The following MGAT4C variants were observed in gnomAD, a reference collection of about 807,000 sequenced individuals.
The protein encoded by MGAT4C is MGAT4 family member C, also known as alpha-1,3-mannosyl-glycoprotein 4-beta-N-acetylglucosaminyltransferase C.
Under a neutral mutation model 40.1 loss-of-function variants are expected in MGAT4C, and 19 were observed. The ratio of observed to expected loss-of-function variants is 0.47; its 90% CI spans 0.33 to 0.70. The LOEUF (loss-of-function observed/expected upper bound fraction) is 0.70. Ranked by LOEUF, MGAT4C falls within the 30% of genes least tolerant of loss-of-function variation. The pLI is 0.02. For synonymous variants in MGAT4C, 181 were observed against 187.1 expected (o/e 0.97, Z 0.27); for missense variants, 491 against 563.2 (o/e 0.87, Z 1.30).
At chr12:86,026,712 T>C (rs1890275939) in intron 2 of MGAT4C, among the ~76,000 whole-genome samples, 1 of 151,946 alleles carries the variant, frequency 6.6e-6, no homozygotes, top group African/African-American at 2.4e-5. Flanking sequence ...GACTGTAACA[T>C]TACAAGTAGT....
At chr12:86,354,772 C>T (rs980766610) in intron 3 of MGAT4C, among the ~76,000 whole-genome samples, 4 of 152,050 alleles carry the variant, frequency 2.6e-5, no homozygotes, top group Admixed American at 6.6e-5. Context: ...ATTATGTGTC[C>T]GGAGTTGGTT....
intron 3 of MGAT4C, among the ~76,000 whole-genome samples, chr12:86,347,720 T>A (rs982679378): frequency 1.3e-5 from 2 of 152,112 alleles, no homozygotes; most frequent in East Asian, 3.8e-4. Flanking sequence ...TTCATTGGGA[T>A]AGGCCATTTT....
At position 86,388,675 on chromosome 12, in the gene MGAT4C, GT is replaced by G. The variant is rs752469980; in HGVS notation, c.-120+46481del. ...ATCAATAAACACTTCAGCGTTTTTT[GT>G]TTTTTTTTTTTTTTTTTTTTTTTAG... On this transcript the variant is annotated intron_variant, in intron 3 of 7. Coordinates refer to the MGAT4C transcript ENST00000548651. Among the ~76,000 whole-genome samples the G allele has an allele frequency of 6.3e-3, 621 of 98,712 alleles. 2 individuals carry two copies. The highest frequency in any genetic ancestry group is 0.023 in the African/African-American group (475 of 20,764). The allele number at this position is 98,712 out of a possible 152,430, so 64.8% of individuals were successfully genotyped here.
chr12:86,218,243 C>A (rs572991207), intron 1 of MGAT4C, among the ~76,000 whole-genome samples: 2 of 152,158 alleles, frequency 1.3e-5, no homozygotes, highest in East Asian at 3.9e-4. Flanking sequence ...TACCATGTAA[C>A]TTTCTGTATT....
chr12:86,545,890 T>A (rs1959190434), intron 2 of MGAT4C, among the ~76,000 whole-genome samples: 1 of 152,026 alleles, frequency 6.6e-6, no homozygotes, highest in African/African-American at 2.4e-5. Context: ...CTTTTATGAA[T>A]GTGTCAGTGA....
chr12:86,406,729 T>C (rs987727162), intron 3 of MGAT4C, among the ~76,000 whole-genome samples: 3 of 151,844 alleles, frequency 2.0e-5, no homozygotes, highest in Non-Finnish European at 4.4e-5. Flanking sequence ...AAAAACTAAA[T>C]GTGCAAATGC....
intron 1 of MGAT4C, among the ~76,000 whole-genome samples, chr12:86,254,154 C>A (rs186744302): frequency 1.1e-4 from 16 of 152,028 alleles, no homozygotes; most frequent in Non-Finnish European, 4.4e-5. Flanking sequence ...ACTGGGAAGC[C>A]TTCCTAGGGA....
intron 3 of MGAT4C, among the ~76,000 whole-genome samples, chr12:86,381,293 A>C (rs1267487250): frequency 6.6e-6 from 1 of 152,176 alleles, no homozygotes; most frequent in Non-Finnish European, 1.5e-5. Flanking sequence ...ACAAATTCAG[A>C]TTTAGAGAAA....
intron 3 of MGAT4C, among the ~76,000 whole-genome samples, chr12:86,367,960 C>A (rs1955639060): frequency 1.3e-5 from 2 of 152,306 alleles, no homozygotes; most frequent in South Asian, 4.1e-4. Context: ...ACTGTCGAAC[C>A]ACCTTTCACA....
chr12:86,649,291 C>A (rs1963631752), intron 2 of MGAT4C, among the ~76,000 whole-genome samples: 1 of 151,686 alleles, frequency 6.6e-6, no homozygotes, highest in Admixed American at 6.6e-5. Context: ...GATCTATATA[C>A]AGGTTCTTTT....
chr12:86,780,488 T>C lies in MGAT4C; in HGVS notation c.-261-53247A>G, dbSNP rs60645479. 3.4e-3 allele frequency among the ~76,000 whole-genome samples: 515 copies of C among 152,230 alleles called. 2 individuals carry two copies. The highest frequency in any genetic ancestry group is 0.012 in the African/African-American group (493 of 41,522). ...TGCTGTTCTCATGATAGTGAGTGAG[T>C]TCTCATGATATCTGATTGTTTAAAA... On this transcript the variant is annotated intron_variant, in intron 1 of 7. Transcript: ENST00000548651.
At chr12:86,035,566 A>C (rs1891150182) in intron 2 of MGAT4C, among the ~76,000 whole-genome samples, 1 of 149,834 alleles carries the variant, frequency 6.7e-6, no homozygotes. Flanking sequence ...GCTGTGCAGA[A>C]GCTCTTCAGT....
chr12:86,133,698 A>C (rs1384575593), intron 1 of MGAT4C, among the ~76,000 whole-genome samples: 1 of 152,134 alleles, frequency 6.6e-6, no homozygotes, highest in African/African-American at 2.4e-5. Context: ...AGGAGCTGCA[A>C]TTTACAATGA....
intron 1 of MGAT4C, among the ~76,000 whole-genome samples, chr12:86,130,842 G>A (rs1881066567): frequency 6.6e-6 from 1 of 151,810 alleles, no homozygotes; most frequent in African/African-American, 2.4e-5. Context: ...ATTGTATTTA[G>A]TTTGAATATA....
intron 2 of MGAT4C, among the ~76,000 whole-genome samples, chr12:86,624,946 A>ATCC (rs1194905075): frequency 6.6e-6 from 1 of 152,046 alleles, no homozygotes; most frequent in African/African-American, 2.4e-5. Flanking sequence ...TCAAATTGTA[A>ATCC]TCCTGATAAT....
At chr12:86,231,501 A>T (rs1951323121) in intron 1 of MGAT4C, among the ~76,000 whole-genome samples, 1 of 152,208 alleles carries the variant, frequency 6.6e-6, no homozygotes, top group African/African-American at 2.4e-5. Flanking sequence ...AAATAATCTA[A>T]TTCTGGAAAT....
chr12:86,396,549 T>C (rs1057076185), intron 3 of MGAT4C, among the ~76,000 whole-genome samples: 1 of 152,148 alleles, frequency 6.6e-6, no homozygotes, highest in Non-Finnish European at 1.5e-5. Context: ...CTTATAATTA[T>C]AATGGAAAAT....
At chr12:86,254,347 A>G (rs1952428792) in intron 1 of MGAT4C, among the ~76,000 whole-genome samples, 1 of 152,078 alleles carries the variant, frequency 6.6e-6, no homozygotes, top group African/African-American at 2.4e-5. Context: ...CACTGCAGTC[A>G]CCATCAATGT....
intron 1 of MGAT4C, among the ~76,000 whole-genome samples, chr12:86,109,107 C>T (rs535539194): frequency 1.3e-5 from 2 of 152,244 alleles, no homozygotes; most frequent in South Asian, 4.1e-4. Context: ...CACTATTGAT[C>T]ATCTAAAGAT....
Sources: gnomAD v4.1 joint callset for allele counts (sites outside exome capture counted in the v4.1 genomes callset) on GRCh38, gnomAD v4.1.1 for gene constraint, MANE v1.5 for transcripts, NCBI Gene and HGNC (gene_info 2026-07-23, HGNC 2026-07-21) for gene names.